KIF24: variants seen among roughly 807,000 people sequenced by gnomAD.
KIF24 encodes kinesin-like protein KIF24.
A neutral mutation model predicts 118.9 loss-of-function variants in KIF24; 81 were observed. That is an observed-to-expected ratio of 0.68 (90% CI 0.57 to 0.82). The LOEUF (loss-of-function observed/expected upper bound fraction) is 0.82. Among genes scored for constraint, KIF24 ranks in the 40% least tolerant of loss-of-function variants. KIF24 has a pLI of 0.00. For synonymous variants in KIF24, 599 were observed against 610.0 expected (o/e 0.98, Z 0.27); for missense variants, 1,560 against 1,661.6 (o/e 0.94, Z 1.06).
intron 8 of KIF24, 59 bp downstream of exon 8, chr9:34,269,198 G>A: frequency 4.3e-6 from 4 of 937,800 alleles, no homozygotes; most frequent in Non-Finnish European, 6.8e-6. Context: ...CACTCTGCCT[G>A]TATGTAATGG....
chr9:34,295,194 T>TAGACAGACAGACAGAC (rs111912796), intron 4 of KIF24, among the ~76,000 whole-genome samples: 4,071 of 149,656 alleles, frequency 0.027, 71 homozygotes, highest in East Asian at 0.1. Flanking sequence ...GATGGATGGA[T>TAGACAGACAGACAGAC]AGACAGACAG....
At position 34,290,183 on chromosome 9, in the gene KIF24, C is replaced by T. The variant is rs913466241; in HGVS notation, c.1118G>A (p.Arg373Lys). 6.2e-7 allele frequency: 1 copy of T among 1,610,546 alleles called. No homozygotes were observed. Among genetic ancestry groups the T allele is most frequent in the Non-Finnish European group, 8.5e-7 (1 of 1,177,650 alleles). ...CACTCATATTCAGTACCTTTTTCTTCTATTTAGGAGGTCATAAAGCTGTCC... is the reference window on the plus strand; with the variant it reads ...CACTCATATTCAGTACCTTTTTCTTTTATTTAGGAGGTCATAAAGCTGTCC... Reference protein sequence around the residue: ...YCGQLYDLLNRRKRLFAREDS... With the variant: ...YCGQLYDLLNKRKRLFAREDS... Residue 373 changes from arginine (R) to lysine (K), a missense_variant, in exon 5 of 13, where the codon AGA becomes AAA. This residue lies in a region of KIF24 where 964 missense variants were observed against 988.0 expected (regional missense o/e 0.98). Coordinates refer to ENST00000402558, the MANE Select transcript of KIF24 (RefSeq NM_194313.4).
At chr9:34,260,539 C>T (rs992935047) in intron 9 of KIF24, among the ~76,000 whole-genome samples, 2 of 152,146 alleles carry the variant, frequency 1.3e-5, no homozygotes, top group Non-Finnish European at 2.9e-5. Flanking sequence ...AGTTCACTAA[C>T]GTAGCAGTGT....
intron 12 of KIF24, 76 bp downstream of exon 12, chr9:34,254,996 G>T: frequency 9.8e-7 from 1 of 1,024,878 alleles, no homozygotes; most frequent in African/African-American, 1.6e-5. Flanking sequence ...CACAGCCACA[G>T]CAAACAAGGA....
chr9:34,272,887 G>A (rs900553989), intron 6 of KIF24, among the ~76,000 whole-genome samples: 3 of 151,978 alleles, frequency 2.0e-5, no homozygotes, highest in African/African-American at 7.3e-5. Flanking sequence ...GTCCCTCAAA[G>A]TGGTAGGATT....
chr9:34,319,143 A>C, intron 1 of KIF24: 2 of 1,579,186 alleles, frequency 1.3e-6, no homozygotes, highest in Non-Finnish European at 1.7e-6. Flanking sequence ...AACTACTATG[A>C]CAATGAGAAG....
upstream of KIF24, among the ~76,000 whole-genome samples, chr9:34,331,978 C>T (rs933073968): frequency 6.6e-6 from 1 of 152,224 alleles, no homozygotes; most frequent in Non-Finnish European, 1.5e-5. Context: ...CCCTTCCTTT[C>T]CTTTCTCACA....
intron 9 of KIF24, among the ~76,000 whole-genome samples, chr9:34,260,709 G>T (rs1204261989): frequency 6.6e-6 from 1 of 152,226 alleles, no homozygotes; most frequent in African/African-American, 2.4e-5. Flanking sequence ...GGTGGCTCAT[G>T]CCTGTAATCC....
chr9:34,279,239 C>G (rs1434710019), intron 6 of KIF24, among the ~76,000 whole-genome samples: 1 of 152,194 alleles, frequency 6.6e-6, no homozygotes, highest in Admixed American at 6.5e-5. Flanking sequence ...TTCTCCCCAT[C>G]ATCCAACCCA....
In KIF24 at chr9:34,257,521, G is replaced by C; in HGVS notation, c.2086C>G (p.Arg696Gly). Residue 696 changes from arginine (R) to glycine (G), a missense_variant, in exon 11 of 13, where the codon CGT becomes GGT. Coordinates refer to ENST00000402558, the MANE Select transcript of KIF24 (RefSeq NM_194313.4). ...RASGPGEGLV[R>G]GKLSTKCKKV... ...TTGCACTTGGTGGACAGCTTACCACGCACTAGGCCTTCTCCTGGGCCTGAG... is the reference window on the plus strand; with the variant it reads ...TTGCACTTGGTGGACAGCTTACCACCCACTAGGCCTTCTCCTGGGCCTGAG... 6.2e-7 allele frequency: 1 copy of C among 1,614,046 alleles called. No homozygotes were observed. Among genetic ancestry groups the C allele is most frequent in the Non-Finnish European group, 8.5e-7 (1 of 1,179,894 alleles).
chr9:34,277,832 T>C (rs995979650), intron 6 of KIF24, among the ~76,000 whole-genome samples: 6 of 152,236 alleles, frequency 3.9e-5, no homozygotes, highest in African/African-American at 7.2e-5. Context: ...ATCACATTTT[T>C]GTAAATGACA....
intron 6 of KIF24, among the ~76,000 whole-genome samples, chr9:34,284,291 T>TA (rs1025991437): frequency 1.6e-4 from 25 of 151,778 alleles, no homozygotes; most frequent in African/African-American, 6.0e-4. Flanking sequence ...ATAAAAATAA[T>TA]AAAAAAAGAA....
chr9:34,333,468 A>T (rs1361061128), upstream of KIF24, among the ~76,000 whole-genome samples: 1 of 152,008 alleles, frequency 6.6e-6, no homozygotes, highest in Non-Finnish European at 1.5e-5. Context: ...CTCTACAAAA[A>T]AAGTGTTTTT....
intron 9 of KIF24, among the ~76,000 whole-genome samples, chr9:34,260,085 T>C (rs988689711): frequency 1.3e-5 from 2 of 152,098 alleles, no homozygotes; most frequent in Non-Finnish European, 2.9e-5. Context: ...CCAGGTACAG[T>C]GGCACTCACC....
Position 34,256,779 on chromosome 9 carries a change from T to G in KIF24, c.2828A>C (p.Gln943Pro). The G allele has an allele frequency of 6.2e-7, 1 of 1,614,022 alleles. No individual in the cohort carries two copies. The highest frequency in any genetic ancestry group is 8.5e-7 in the Non-Finnish European group (1 of 1,179,882). The part of the protein sequence containing the change: ...DSLAEKPYCS[Q>P]VDFIYRQERG... Reference sequence around the variant, plus strand: ...TTCCTGTCTATATATGAAATCTACCTGTGAACAGTATGGCTTCTCTGCCAG... The same window carrying G: ...TTCCTGTCTATATATGAAATCTACCGGTGAACAGTATGGCTTCTCTGCCAG... Residue 943 changes from glutamine to proline, a missense_variant, in exon 11 of 13, where the codon CAG becomes CCG. By Grantham distance (76) the Gln-to-Pro change is moderately conservative. Around this residue, in one of 3 missense-constraint regions of KIF24, gnomAD observed 591 missense variants for 655.6 expected, o/e 0.90. Transcript: ENST00000402558.
At chr9:34,270,526 A>G (rs1466422415) in intron 7 of KIF24, among the ~76,000 whole-genome samples, 1 of 151,444 alleles carries the variant, frequency 6.6e-6, no homozygotes, top group Non-Finnish European at 1.5e-5. Flanking sequence ...AAAAAAAAAA[A>G]AAAAAGAAAA....
intron 3 of KIF24, among the ~76,000 whole-genome samples, chr9:34,300,850 C>CAAAAAAAAAA (rs57919845): frequency 9.5e-6 from 1 of 105,666 alleles, no homozygotes; most frequent in African/African-American, 3.9e-5. Context: ...CGGCATTTCT[C>CAAAAAAAAAA]AAAAAAAAAA....
intron 6 of KIF24, among the ~76,000 whole-genome samples, chr9:34,276,434 C>T (rs1337978105): frequency 1.3e-5 from 2 of 150,400 alleles, no homozygotes; most frequent in African/African-American, 4.9e-5. Flanking sequence ...ATAAGAAAGT[C>T]CTATTTCATT....
intron 5 of KIF24, among the ~76,000 whole-genome samples, chr9:34,287,607 ATTTT>A (rs958458286): frequency 2.0e-5 from 3 of 152,260 alleles, no homozygotes; most frequent in African/African-American, 7.2e-5. Context: ...CTCAAAAATA[ATTTT>A]TTTCTCAGTC....
Sources: gnomAD v4.1 joint callset for allele counts (sites outside exome capture counted in the v4.1 genomes callset) on GRCh38, gnomAD v4.1.1 for gene constraint, gnomAD v4.1.1 regional missense constraint, MANE v1.5 for transcripts, NCBI Gene and HGNC (gene_info 2026-07-23, HGNC 2026-07-21) for gene names.